EPRS1: variants seen among roughly 807,000 people sequenced by gnomAD.
The protein encoded by EPRS1 is bifunctional glutamate/proline--tRNA ligase.
A neutral mutation model predicts 188.3 loss-of-function variants in EPRS1; 107 were observed. The ratio of observed to expected loss-of-function variants is 0.57; its 90% CI spans 0.49 to 0.67. The LOEUF (loss-of-function observed/expected upper bound fraction) is 0.67, where lower values mean the gene tolerates loss of function less well. Ranked by LOEUF, EPRS1 falls within the 30% of genes least tolerant of loss-of-function variation. The probability of loss-of-function intolerance (pLI) is 0.00; values close to 1 mark genes in which losing one functional copy is unlikely to be tolerated. For missense variants in EPRS1, 1,577 were observed against 1,802.2 expected, an observed-to-expected ratio of 0.88 and a Z score of 2.26; for synonymous variants, 596 against 593.1, an observed-to-expected ratio of 1.00 and a Z score of -0.07.
chr1:220,033,540 A>T lies in EPRS1; in HGVS notation c.350T>A (p.Leu117Ter). The change falls in exon 4 of 32, where the codon TTG (leucine) becomes TAG (stop). Residue 117 changes from leucine (L) to a stop codon, truncating the protein, a stop_gained. Transcript: ENST00000366923. LOFTEE classifies it high-confidence loss of function. ...CCAAACACATAAATCTGCTAAACTC[A>T]AGGAGTTTCCAACTAAGTATGTTCT... ...SLRTYLVGNS[L>*]SLADLCVWAT... 1 of 1,612,178 alleles carries T rather than the reference A, an allele frequency of 6.2e-7. No homozygotes were observed. Among genetic ancestry groups the T allele is most frequent in the Non-Finnish European group, 8.5e-7 (1 of 1,178,518 alleles).
In EPRS1 at chr1:220,018,436, T is replaced by G; in HGVS notation, c.1494+13A>C. On this transcript the variant is annotated intron_variant, in intron 12 of 31. Transcript: ENST00000366923. The stretch of plus-strand genomic sequence containing the variant: ...AAGCATGAGAAAAGAAGGCAGAGAG[T>G]TAACATACATACCTTTTTGTTAAAC... 6.3e-7 allele frequency: 1 copy of G among 1,596,180 alleles called. No homozygotes were observed. Among genetic ancestry groups the G allele is most frequent in the Non-Finnish European group, 8.6e-7 (1 of 1,165,002 alleles).
At chr1:220,038,009 G>C (rs1033740005) in intron 2 of EPRS1, among the ~76,000 whole-genome samples, 2 of 151,832 alleles carry the variant, frequency 1.3e-5, no homozygotes, top group Admixed American at 6.6e-5. Context: ...GGGGGAGATA[G>C]AGAGCAGAAG....
chr1:220,001,765 AC>A (rs1359186487), intron 16 of EPRS1, among the ~76,000 whole-genome samples: 1 of 152,128 alleles, frequency 6.6e-6, no homozygotes, highest in Non-Finnish European at 1.5e-5. Flanking sequence ...GCAGTGGCTC[AC>A]CCCTATAATA....
rs763800046 is a variant in EPRS1, at chr1:219,968,912, CT to C, written c.4432del (p.Ser1478AlafsTer38). On this transcript the variant is annotated frameshift_variant, in exon 32 of 32. Transcript: ENST00000366923. LOFTEE classifies it high-confidence loss of function. ...GAGTGGTTTGAAGGGGATGCAAAGGCTTTTAGCTCCCATGGATGGAGCACCA... is the reference window on the plus strand; with the variant it reads ...GAGTGGTTTGAAGGGGATGCAAAGGCTTTAGCTCCCATGGATGGAGCACCA... ...EPGAPSMGAK[S>X]LCIPFKPLCE... 1 of 1,614,134 alleles carries C rather than the reference CT, an allele frequency of 6.2e-7. No homozygotes were observed. The highest frequency in any genetic ancestry group is 8.5e-7 in the Non-Finnish European group (1 of 1,179,988).
intron 1 of EPRS1, among the ~76,000 whole-genome samples, chr1:220,046,028 A>G (rs570577028): frequency 6.6e-6 from 1 of 152,334 alleles, no homozygotes; most frequent in East Asian, 1.9e-4. Flanking sequence ...CGGGGGAAAA[A>G]GGGAGAGGTG....
chr1:220,012,072 T>C lies in EPRS1; in HGVS notation c.1495-1016A>G, dbSNP rs74745752. Among the ~76,000 whole-genome samples, 563 of 152,326 alleles carry C rather than the reference T, an allele frequency of 3.7e-3. 4 individuals carry two copies. Among genetic ancestry groups the C allele is most frequent in the African/African-American group, 0.013 (526 of 41,566 alleles). ...AGAATGATATCGTGGAAATTCTGAA[T>C]GAACTCAGAGAGGAAGCCATCCTCA... On this transcript the variant is annotated intron_variant, in intron 12 of 31. Coordinates refer to ENST00000366923, the MANE Select transcript of EPRS1 (RefSeq NM_004446.3).
At chr1:219,987,086 T>C in intron 20 of EPRS1, 56 bp downstream of exon 20, 1 of 1,552,744 alleles carries the variant, frequency 6.4e-7, no homozygotes, top group Non-Finnish European at 8.7e-7. Context: ...TAAAAACTAT[T>C]AAGAATTGAA....
rs114692990 is a variant in EPRS1, at chr1:219,976,778, G to A, written c.4083+1768C>T. On this transcript the variant is annotated intron_variant, in intron 28 of 31. Coordinates refer to ENST00000366923, the MANE Select transcript of EPRS1 (RefSeq NM_004446.3). ...ATAATGAAAAGTGAAAGTTGGAAAGGTAATCTGAAGCCAAATCATGGAGGA... is the reference window on the plus strand; with the variant it reads ...ATAATGAAAAGTGAAAGTTGGAAAGATAATCTGAAGCCAAATCATGGAGGA... Among the ~76,000 whole-genome samples, 527 of 152,242 alleles carry A rather than the reference G, an allele frequency of 3.5e-3. 5 individuals carry two copies. The highest frequency in any genetic ancestry group is 0.012 in the African/African-American group (515 of 41,556).
intron 1 of EPRS1, among the ~76,000 whole-genome samples, chr1:220,040,870 T>C (rs12022181): frequency 0.18 from 26,052 of 148,828 alleles, 3,901 homozygotes; most frequent in East Asian, 0.4. Context: ...AAAAATAGTA[T>C]AGTGCCTTAT....
chr1:219,984,156 G>C, intron 21 of EPRS1, 50 bp downstream of exon 21: 2 of 1,279,424 alleles, frequency 1.6e-6, no homozygotes, highest in Non-Finnish European at 2.3e-6. Context: ...AACATAAAAA[G>C]CAGCCATTGA....
chr1:220,018,927 G>C (rs2102588552), intron 11 of EPRS1, 68 bp downstream of exon 11: 1 of 980,036 alleles, frequency 1.0e-6, no homozygotes, highest in African/African-American at 1.6e-5. Flanking sequence ...ATAATAAAGA[G>C]TAAAGGGACA....
chr1:220,043,191 T>C (rs1264615751), intron 1 of EPRS1, among the ~76,000 whole-genome samples: 5 of 152,180 alleles, frequency 3.3e-5, no homozygotes, highest in African/African-American at 1.2e-4. Flanking sequence ...CTCTACATGA[T>C]GACTGTGGTG....
At chr1:220,035,629 G>A (rs1391319891) in intron 2 of EPRS1, among the ~76,000 whole-genome samples, 7 of 151,900 alleles carry the variant, frequency 4.6e-5, no homozygotes, top group Non-Finnish European at 1.0e-4. Context: ...AGGAGTTTGA[G>A]ACCAGCCTGG....
intron 6 of EPRS1, 106 bp from the exon 7 acceptor site, chr1:220,025,364 G>A: frequency 1.4e-6 from 1 of 697,370 alleles, no homozygotes; most frequent in Non-Finnish European, 2.2e-6. Context: ...CCTTCTAATT[G>A]GTACCCAAGT....
At chr1:220,002,606 T>G (rs1215019489) in intron 16 of EPRS1, among the ~76,000 whole-genome samples, 1 of 152,108 alleles carries the variant, frequency 6.6e-6, no homozygotes, top group African/African-American at 2.4e-5. Context: ...ACATCTGTAA[T>G]CCCAGCACTT....
intron 2 of EPRS1, among the ~76,000 whole-genome samples, chr1:220,039,333 C>G (rs1432772608): frequency 6.6e-6 from 1 of 152,126 alleles, no homozygotes; most frequent in Non-Finnish European, 1.5e-5. Context: ...ATTTCAGGAG[C>G]TGGTGTTGCA....
chr1:220,007,242 A>C lies in EPRS1; in HGVS notation c.1702T>G (p.Phe568Val). Residue 568 changes from phenylalanine to valine, a missense_variant, in exon 14 of 32, where the codon TTT (phenylalanine) becomes GTT (valine). Around this residue, in one of 3 missense-constraint regions of EPRS1, gnomAD observed 1,278 missense variants for 1,457.4 expected, o/e 0.88. Transcript: ENST00000366923. ...ETFSEGEMVT[F>V]INWGNLNITK... ...ATGTTGAGGTTGCCCCAATTTATAA[A>C]TGTAACCATCTCACCCTCCGAAAAA... The C allele has an allele frequency of 6.2e-7, 1 of 1,613,954 alleles. No homozygotes were observed. The highest frequency in any genetic ancestry group is 8.5e-7 in the Non-Finnish European group (1 of 1,179,882).
Position 220,018,481 on chromosome 1 carries a change from C to G in EPRS1, c.1462G>C (p.Glu488Gln), listed in dbSNP as rs1484169468. The change falls in exon 12 of 32, where the codon GAG (glutamate) becomes CAG (glutamine). Residue 488 changes from glutamate (E) to glutamine (Q), a missense_variant. Glu to Gln is a conservative substitution (Grantham distance 29, BLOSUM62 2). Transcript: ENST00000366923. ...QGSSRSVVNM[E>Q]WDKIWAFNKK... ...TTAAACGCCCAGATTTTGTCCCACT[C>G]CATGTTCACGACTGAACGTGAGGAG... 1 of 1,612,282 alleles carries G rather than the reference C, an allele frequency of 6.2e-7. No individual in the cohort carries two copies. Among genetic ancestry groups the G allele is most frequent in the South Asian group, 1.1e-5 (1 of 91,008 alleles).
At chr1:219,973,167 A>G (rs937875537) in intron 29 of EPRS1, 71 bp downstream of exon 29, 7 of 1,390,848 alleles carry the variant, frequency 5.0e-6, no homozygotes, top group Non-Finnish European at 7.0e-6. Context: ...AACCCCAAAA[A>G]TTCCTTGGTA....
Sources: allele counts gnomAD v4.1 joint callset (sites outside exome capture counted in the v4.1 genomes callset), GRCh38; gene constraint gnomAD v4.1.1; regional missense constraint gnomAD v4.1.1; transcripts MANE v1.5; gene names NCBI Gene and HGNC (gene_info 2026-07-23, HGNC 2026-07-21).